Variants in RUNX2 observed in about 807,000 individuals in gnomAD.
RUNX2 encodes runt-related transcription factor 2.
A neutral mutation model predicts 51.7 loss-of-function variants in RUNX2; 10 were observed. That is an observed-to-expected ratio of 0.19 (90% confidence interval 0.12 to 0.33). RUNX2 has a LOEUF of 0.33. Among genes scored for constraint, RUNX2 ranks in the 10% least tolerant of loss-of-function variants. The pLI is 1.00. For missense variants in RUNX2, 562 were observed against 691.3 expected, an observed-to-expected ratio of 0.81 and a Z score of 2.10; for synonymous variants, 276 against 273.6, an observed-to-expected ratio of 1.01 and a Z score of -0.09.
At chr6:45,331,218 CTG>C in intron 2 of RUNX2, among the ~76,000 whole-genome samples, 1 of 152,074 alleles carries the variant, frequency 6.6e-6, no homozygotes, top group African/African-American at 2.4e-5. Context: ...AATTTTCAAT[CTG>C]TACTACTCAA....
chr6:45,521,223 A>C (rs996578903), intron 7 of RUNX2, among the ~76,000 whole-genome samples: 2 of 152,212 alleles, frequency 1.3e-5, no homozygotes, highest in Non-Finnish European at 2.9e-5. Flanking sequence ...TATGTAGGAG[A>C]AAAAAAGGAA....
chr6:45,383,493 A>G (rs972113623), intron 2 of RUNX2, among the ~76,000 whole-genome samples: 8 of 152,202 alleles, frequency 5.3e-5, no homozygotes, highest in Admixed American at 1.3e-4. Context: ...GTAACATTCT[A>G]TAATAATTAA....
chr6:45,472,895 A>G (rs1799847147), intron 5 of RUNX2, among the ~76,000 whole-genome samples: 1 of 152,202 alleles, frequency 6.6e-6, no homozygotes, highest in Non-Finnish European at 1.5e-5. Context: ...TGTTGGCAAA[A>G]TAAAAGCCTG....
At chr6:45,541,627 AT>A (rs1460610037) in intron 7 of RUNX2, among the ~76,000 whole-genome samples, 32 of 152,234 alleles carry the variant, frequency 2.1e-4, no homozygotes, top group African/African-American at 7.5e-4. Context: ...ATGGCTTTTC[AT>A]TCTGTACCTT....
chr6:45,451,412 T>C (rs1799167634), intron 5 of RUNX2, among the ~76,000 whole-genome samples: 2 of 152,252 alleles, frequency 1.3e-5, no homozygotes, highest in South Asian at 4.1e-4. Flanking sequence ...CCTTGGCTTA[T>C]GTGGACAATG....
chr6:45,328,767 A>G lies in RUNX2; in HGVS notation c.41A>G (p.Gln14Arg), dbSNP rs1584936285. ...NSLFSTVTPC[Q>R]QNFFWDPSTS... ...CTCTTCAGCACAGTGACACCATGTC[A>G]GCAAAACTTCTTTTGGGGTAAGTGT... The change falls in exon 2 of 9, where the codon CAG (glutamine) becomes CGG (arginine). Residue 14 changes from glutamine (Q) to arginine (R), a missense_variant. Gln to Arg is a conservative substitution (Grantham distance 43). Around this residue, in one of 5 missense-constraint regions of RUNX2, gnomAD observed 153 missense variants for 144.8 expected, o/e 1.06. Transcript: ENST00000647337. The G allele has an allele frequency of 6.2e-7, 1 of 1,612,222 alleles. No homozygotes were observed. The highest frequency in any genetic ancestry group is 2.2e-5 in the East Asian group (1 of 44,816).
intron 2 of RUNX2, among the ~76,000 whole-genome samples, chr6:45,411,724 A>G (rs1442730468): frequency 6.6e-6 from 1 of 152,208 alleles, no homozygotes; most frequent in Non-Finnish European, 1.5e-5. Flanking sequence ...ATAATAAGTT[A>G]TAACACTTCA....
intron 7 of RUNX2, among the ~76,000 whole-genome samples, chr6:45,521,884 TG>T (rs1489564578): frequency 6.6e-6 from 1 of 152,214 alleles, no homozygotes; most frequent in East Asian, 1.9e-4. Flanking sequence ...TTTGTTCTTT[TG>T]GTGACCATAT....
intron 2 of RUNX2, among the ~76,000 whole-genome samples, chr6:45,380,894 G>A (rs1188147081): frequency 6.6e-6 from 1 of 152,118 alleles, no homozygotes; most frequent in African/African-American, 2.4e-5. Flanking sequence ...TTCTTCTCAT[G>A]TGGATGCTAC....
intron 7 of RUNX2, among the ~76,000 whole-genome samples, chr6:45,542,521 C>G (rs887339211): frequency 6.6e-6 from 1 of 152,182 alleles, no homozygotes; most frequent in Non-Finnish European, 1.5e-5. Flanking sequence ...CTAAGGGGAT[C>G]ATACCCTTGA....
intron 2 of RUNX2, among the ~76,000 whole-genome samples, chr6:45,407,784 G>T (rs566311356): frequency 2.0e-5 from 3 of 152,210 alleles, no homozygotes; most frequent in South Asian, 4.1e-4. Context: ...ATAGGCATGA[G>T]CCACTGTGTC....
At chr6:45,449,232 A>G (rs1351391935) in intron 5 of RUNX2, among the ~76,000 whole-genome samples, 2 of 152,224 alleles carry the variant, frequency 1.3e-5, no homozygotes, top group Non-Finnish European at 2.9e-5. Flanking sequence ...TTTCAAATGG[A>G]AATAGACATG....
chr6:45,505,392 C>G (rs1393443607), intron 6 of RUNX2, among the ~76,000 whole-genome samples: 2 of 149,996 alleles, frequency 1.3e-5, no homozygotes, highest in African/African-American at 4.9e-5. Context: ...CTGCCTTCCT[C>G]CCTTCTCAAT....
At chr6:45,413,870 C>A (rs775920787) in intron 2 of RUNX2, among the ~76,000 whole-genome samples, 70 of 152,128 alleles carry the variant, frequency 4.6e-4, no homozygotes, top group Non-Finnish European at 8.2e-4. Context: ...TACCCACAGA[C>A]CTAGGGCTGG....
intron 5 of RUNX2, among the ~76,000 whole-genome samples, chr6:45,448,972 G>A (rs1217967716): frequency 1.3e-5 from 2 of 152,214 alleles, no homozygotes; most frequent in East Asian, 3.9e-4. Flanking sequence ...TAGAGCTTTG[G>A]TTTCTGTTTC....
intron 2 of RUNX2, among the ~76,000 whole-genome samples, chr6:45,399,990 G>A (rs1032440307): frequency 7.1e-6 from 1 of 140,818 alleles, no homozygotes; most frequent in Non-Finnish European, 1.5e-5. Flanking sequence ...GGAAAGAAAG[G>A]AGGGAGGGAG....
At chr6:45,387,872 T>C (rs1321081) in intron 2 of RUNX2, among the ~76,000 whole-genome samples, 93,836 of 152,004 alleles carry the variant, frequency 0.62, 29,581 homozygotes, top group African/African-American at 0.73. Flanking sequence ...TTGAAGGTAA[T>C]CGTTGGCAAA....
In RUNX2 at chr6:45,364,522, T is replaced by C. The variant is rs192990919; in HGVS notation, c.58+35738T>C. On this transcript the variant is annotated intron_variant, in intron 2 of 8. Coordinates refer to ENST00000647337, the MANE Select transcript of RUNX2 (RefSeq NM_001024630.4). ...ACCTTATACAGACAAAATTGTCTCC[T>C]GAACCAATATAATGAAAAACTACTA... Among the ~76,000 whole-genome samples the C allele has an allele frequency of 5.1e-4, 77 of 150,124 alleles. 1 individual carries two copies. In the East Asian group the frequency reaches 0.013, roughly 25 times the overall value.
At chr6:45,410,343 T>C (rs183596467) in intron 2 of RUNX2, among the ~76,000 whole-genome samples, 1 of 152,246 alleles carries the variant, frequency 6.6e-6, no homozygotes, top group East Asian at 1.9e-4. Context: ...ACAATGGATA[T>C]GGAAAGAAAA....
Sources: allele counts gnomAD v4.1 joint callset (sites outside exome capture counted in the v4.1 genomes callset), GRCh38; gene constraint gnomAD v4.1.1; regional missense constraint gnomAD v4.1.1; transcripts MANE v1.5; gene names NCBI Gene and HGNC (gene_info 2026-07-23, HGNC 2026-07-21).